ERG: variants seen among roughly 807,000 people sequenced by gnomAD.
The protein encoded by ERG is ETS transcription factor ERG.
In ERG, 9 loss-of-function variants were observed where a neutral mutation model predicts 55.3. The observed-to-expected ratio is 0.16, with a 90% confidence interval of 0.10 to 0.28. ERG has a LOEUF of 0.28. Among genes scored for constraint, ERG ranks in the 10% least tolerant of loss-of-function variants. ERG has a pLI of 1.00. For missense variants in ERG, 434 were observed against 631.6 expected (o/e 0.69, Z 3.35); for synonymous variants, 223 against 237.3 (o/e 0.94, Z 0.55).
intron 2 of ERG, among the ~76,000 whole-genome samples, chr21:38,533,390 G>A (rs1185500993): frequency 6.6e-6 from 1 of 152,128 alleles, no homozygotes; most frequent in Non-Finnish European, 1.5e-5. Context: ...AAGACTTTTT[G>A]GTGGATCTTC....
chr21:38,472,415 C>T (rs953456099), intron 1 of ERG, among the ~76,000 whole-genome samples: 13 of 152,178 alleles, frequency 8.5e-5, no homozygotes, highest in African/African-American at 2.4e-4. Context: ...CTCCATGCCA[C>T]TCCACATAGT....
intron 1 of ERG, among the ~76,000 whole-genome samples, chr21:38,606,751 T>C (rs549498799): frequency 6.6e-6 from 1 of 152,158 alleles, no homozygotes; most frequent in Admixed American, 6.5e-5. Context: ...AATTAGTTAT[T>C]CAAAAATGGT....
At chr21:38,507,246 G>A (rs2059469587) in intron 2 of ERG, among the ~76,000 whole-genome samples, 1 of 152,204 alleles carries the variant, frequency 6.6e-6, no homozygotes, top group African/African-American at 2.4e-5. Flanking sequence ...GGGAGCCTTC[G>A]TGATATTTCT....
intron 1 of ERG, among the ~76,000 whole-genome samples, chr21:38,581,040 A>G (rs559449825): frequency 3.1e-4 from 47 of 152,324 alleles, no homozygotes; most frequent in African/African-American, 1.1e-3. Flanking sequence ...ACCCAGGGAA[A>G]CACACACAAG....
chr21:38,452,886 G>A (rs750991965), intron 1 of ERG, among the ~76,000 whole-genome samples: 1 of 152,162 alleles, frequency 6.6e-6, no homozygotes, highest in Non-Finnish European at 1.5e-5. Flanking sequence ...AGCATTTTCA[G>A]GGCTGGCTCC....
At chr21:38,618,278 T>G (rs1227223834) in intron 1 of ERG, among the ~76,000 whole-genome samples, 1 of 149,240 alleles carries the variant, frequency 6.7e-6, no homozygotes, top group Non-Finnish European at 1.5e-5. Flanking sequence ...CAGATGATCA[T>G]CTCGGAACGA....
intron 9 of ERG, among the ~76,000 whole-genome samples, chr21:38,386,176 G>A (rs1987682580): frequency 6.6e-6 from 1 of 152,190 alleles, no homozygotes; most frequent in African/African-American, 2.4e-5. Flanking sequence ...CCCAAAGGAT[G>A]GATGAGCTAA....
rs1345836951 is a variant in ERG at position 38,392,385 on chromosome 21, G to C, written c.805C>G (p.Gln269Glu). The change falls in exon 7 of 10, where the codon CAG becomes GAG. Residue 269 changes from glutamine (Q) to glutamate (E), a missense_variant. Around this residue, in one of 5 missense-constraint regions of ERG, gnomAD observed 99 missense variants for 145.6 expected, o/e 0.68. Transcript: ENST00000288319. Reference sequence around the variant, plus strand: ...GGAGCCAACACTGTACCTTTCGACTGGGGCGTGGGGTGGCCGTGACCGGTC... The same window carrying C: ...GGAGCCAACACTGTACCTTTCGACTCGGGCGTGGGGTGGCCGTGACCGGTC... Reference protein sequence around the residue: ...AWTGHGHPTPQSKAAQPSPST... With the variant: ...AWTGHGHPTPESKAAQPSPST... The C allele has an allele frequency of 6.4e-7, 1 of 1,566,132 alleles. No individual in the cohort carries two copies. Among genetic ancestry groups the C allele is most frequent in the African/African-American group, 1.4e-5 (1 of 73,746 alleles).
chr21:38,518,063 C>CA (rs1261680977), intron 2 of ERG, among the ~76,000 whole-genome samples: 1 of 151,950 alleles, frequency 6.6e-6, no homozygotes. Flanking sequence ...CTATACTTAA[C>CA]AAAAATGTAT....
intron 1 of ERG, among the ~76,000 whole-genome samples, chr21:38,494,576 GC>G: frequency 6.6e-6 from 1 of 152,310 alleles, no homozygotes; most frequent in East Asian, 1.9e-4. Context: ...TTTTATGTAT[GC>G]TTTTTCAAGA....
chr21:38,571,053 A>G (rs1455925872), intron 2 of ERG, among the ~76,000 whole-genome samples: 2 of 152,208 alleles, frequency 1.3e-5, no homozygotes, highest in Non-Finnish European at 2.9e-5. Context: ...TAATGACAAA[A>G]ATATTTATAG....
At chr21:38,617,318 C>T (rs1471014998) in intron 1 of ERG, among the ~76,000 whole-genome samples, 1 of 152,156 alleles carries the variant, frequency 6.6e-6, no homozygotes, top group Admixed American at 6.5e-5. Flanking sequence ...CTTTTCCAGC[C>T]CTTCCTCCAA....
chr21:38,563,666 A>T (rs1249213476), intron 2 of ERG, among the ~76,000 whole-genome samples: 1 of 152,266 alleles, frequency 6.6e-6, no homozygotes, highest in Non-Finnish European at 1.5e-5. Flanking sequence ...GCCATTGCTT[A>T]TTCAATTCAG....
chr21:38,593,185 G>A (rs1055408614), intron 1 of ERG, among the ~76,000 whole-genome samples: 1 of 152,198 alleles, frequency 6.6e-6, no homozygotes, highest in Non-Finnish European at 1.5e-5. Flanking sequence ...CTCAGTGTGG[G>A]AACCAGGGTC....
At chr21:38,637,669 G>T (rs1041397258) in intron 1 of ERG, among the ~76,000 whole-genome samples, 7 of 152,110 alleles carry the variant, frequency 4.6e-5, no homozygotes, top group Non-Finnish European at 1.0e-4. Flanking sequence ...AATAATAAAA[G>T]ACTTTAAAAT....
chr21:38,446,434 T>C (rs2058893037), intron 1 of ERG, among the ~76,000 whole-genome samples: 1 of 152,156 alleles, frequency 6.6e-6, no homozygotes, highest in African/African-American at 2.4e-5. Context: ...GTCAAACAAG[T>C]GGTTAGCCAA....
chr21:38,382,764 A>T lies in ERG; in HGVS notation c.*639T>A. The T allele has an allele frequency of 1.9e-6, 2 of 1,066,174 alleles. No homozygotes were observed. Among genetic ancestry groups the T allele is most frequent in the Non-Finnish European group, 2.3e-6 (2 of 879,562 alleles). The allele number at this position is 1,066,174 out of a possible 1,614,324, so 66.0% of individuals were successfully genotyped here. A position where few individuals can be genotyped will look rare whatever the true frequency, so the allele number is the denominator to read the frequency against. On this transcript the variant is annotated 3_prime_UTR_variant, in exon 10 of 10. Transcript: ENST00000288319. ...TCCTCAGTCCCACCTTTTAGTTCATAGTCCCGGTAATACTGTAAAGGAGTT... is the reference window on the plus strand; with the variant it reads ...TCCTCAGTCCCACCTTTTAGTTCATTGTCCCGGTAATACTGTAAAGGAGTT...
At chr21:38,543,839 C>G (rs1838200533) in intron 2 of ERG, among the ~76,000 whole-genome samples, 1 of 150,744 alleles carries the variant, frequency 6.6e-6, no homozygotes, top group Non-Finnish European at 1.5e-5. Context: ...TGGTTTCAAG[C>G]AGTTCTCCTG....
At chr21:38,397,599 A>G (rs1388681689) in intron 6 of ERG, among the ~76,000 whole-genome samples, 51 of 144,502 alleles carry the variant, frequency 3.5e-4, no homozygotes, top group Non-Finnish European at 1.2e-4. Context: ...TCCATCTCAA[A>G]AAAAAAAAAA....
Sources: gnomAD v4.1 joint callset for allele counts (sites outside exome capture counted in the v4.1 genomes callset) on GRCh38, gnomAD v4.1.1 for gene constraint, gnomAD v4.1.1 regional missense constraint, MANE v1.5 for transcripts, NCBI Gene and HGNC (gene_info 2026-07-23, HGNC 2026-07-21) for gene names.